The following PREP variants were observed in gnomAD, a reference collection of about 807,000 sequenced individuals.
The protein encoded by PREP is dJ355L5.1 (prolyl endopeptidase).
Under a neutral mutation model 87.6 loss-of-function variants are expected in PREP, and 29 were observed. The ratio of observed to expected loss-of-function variants is 0.33; its 90% confidence interval spans 0.25 to 0.45. PREP has a LOEUF of 0.45. PREP is among the 20% of genes least tolerant of loss of function. PREP has a pLI of 1.00. For missense variants in PREP, 695 were observed against 886.5 expected (o/e 0.78, Z 2.74); for synonymous variants, 337 against 328.6 (o/e 1.03, Z -0.28).
At chr6:105,360,839 T>A (rs888268363) in intron 6 of PREP, among the ~76,000 whole-genome samples, 1 of 152,174 alleles carries the variant, frequency 6.6e-6, no homozygotes, top group Non-Finnish European at 1.5e-5. Context: ...CACCTAGGTG[T>A]GATGTGATTC....
intron 6 of PREP, among the ~76,000 whole-genome samples, chr6:105,364,979 G>A: frequency 6.6e-6 from 1 of 152,256 alleles, no homozygotes; most frequent in East Asian, 1.9e-4. Flanking sequence ...GCTGGGCACA[G>A]TGGCTCACGC....
In PREP at chr6:105,397,889, G is replaced by C. The variant is rs766719326; in HGVS notation, c.84C>G (p.Tyr28Ter). The C allele has an allele frequency of 6.2e-7, 1 of 1,612,792 alleles. No individual in the cohort carries two copies. The highest frequency in any genetic ancestry group is 1.1e-5 in the South Asian group (1 of 91,052). Residue 28 changes from tyrosine (Y) to a stop codon, truncating the protein, a stop_gained, in exon 2 of 15, where the codon TAC (tyrosine) becomes TAG (stop). Transcript: ENST00000652536. LOFTEE classifies it high-confidence loss of function. ...DYHGHKICDP[Y>*]AWLEDPDSEQ... ...CACTGTCGGGGTCTTCAAGCCAGGC[G>C]TAAGGGTCACAAATTTTATGACCAT...
intron 5 of PREP, among the ~76,000 whole-genome samples, chr6:105,371,259 C>G (rs1772533208): frequency 6.6e-6 from 1 of 152,102 alleles, no homozygotes; most frequent in Non-Finnish European, 1.5e-5. Context: ...AATCCCAGCA[C>G]TTTGGGAGGC....
intron 2 of PREP, among the ~76,000 whole-genome samples, chr6:105,380,589 A>C (rs1355956409): frequency 3.9e-5 from 6 of 152,166 alleles, no homozygotes; most frequent in Admixed American, 2.6e-4. Flanking sequence ...TAAAAGGGGC[A>C]GGAACAACCA....
chr6:105,353,099 T>A, intron 6 of PREP, 22 bp from the exon 7 acceptor site: 1 of 1,511,140 alleles, frequency 6.6e-7, no homozygotes, highest in Non-Finnish European at 9.2e-7. Context: ...AAAAAAATAG[T>A]GCAGGGGACT....
At chr6:105,371,120 G>A (rs892845248) in intron 5 of PREP, among the ~76,000 whole-genome samples, 2 of 152,188 alleles carry the variant, frequency 1.3e-5, no homozygotes, top group Admixed American at 6.5e-5. Flanking sequence ...GAATATGTGG[G>A]GGCAGGAGGC....
intron 9 of PREP, among the ~76,000 whole-genome samples, chr6:105,326,716 G>A (rs1005338180): frequency 6.6e-6 from 1 of 152,164 alleles, no homozygotes; most frequent in Non-Finnish European, 1.5e-5. Context: ...GGCTGTTTTT[G>A]CATTTGGTCT....
intron 10 of PREP, among the ~76,000 whole-genome samples, chr6:105,312,436 A>G (rs1770776972): frequency 6.6e-6 from 1 of 152,264 alleles, no homozygotes; most frequent in South Asian, 2.1e-4. Context: ...GACATGAACC[A>G]ACATAAATGA....
intron 7 of PREP, among the ~76,000 whole-genome samples, chr6:105,334,321 T>A (rs2114660254): frequency 6.6e-6 from 1 of 152,356 alleles, no homozygotes; most frequent in South Asian, 2.1e-4. Context: ...TCCTGTCCTT[T>A]ACTGGCATTG....
chr6:105,311,548 G>A (rs1054071680), intron 10 of PREP, among the ~76,000 whole-genome samples: 2 of 152,198 alleles, frequency 1.3e-5, no homozygotes, highest in Admixed American at 6.5e-5. Flanking sequence ...TGCCATTCTC[G>A]GCTGCAGTCT....
At chr6:105,285,219 T>C (rs911605981) in intron 12 of PREP, among the ~76,000 whole-genome samples, 1 of 152,104 alleles carries the variant, frequency 6.6e-6, no homozygotes, top group South Asian at 2.1e-4. Context: ...AACCTATGAG[T>C]TGTTAAAAAA....
chr6:105,387,475 G>C (rs1386776235), intron 2 of PREP, among the ~76,000 whole-genome samples: 1 of 152,032 alleles, frequency 6.6e-6, no homozygotes, highest in Admixed American at 6.6e-5. Context: ...CCCTGATAGT[G>C]AACCAATGGG....
chr6:105,276,615 C>CT lies in PREP; in HGVS notation c.*1528dup, dbSNP rs1769936554. On this transcript the variant is annotated 3_prime_UTR_variant, in exon 15 of 15. Transcript: ENST00000652536. ...GACGACAGAGTCTCAGCATGCAACA[C>CT]TAGCTACTGGCACACTTTGTTTCCA... Among the ~76,000 whole-genome samples the CT allele has an allele frequency of 1.3e-5, 2 of 152,328 alleles. No individual in the cohort carries two copies. The highest frequency in any genetic ancestry group is 2.9e-5 in the Non-Finnish European group (2 of 68,034).
At chr6:105,288,155 A>G (rs1389383925) in intron 11 of PREP, among the ~76,000 whole-genome samples, 1 of 152,218 alleles carries the variant, frequency 6.6e-6, no homozygotes, top group African/African-American at 2.4e-5. Context: ...AGCTTCCTTT[A>G]AGACCTTGAT....
chr6:105,370,130 T>C (rs1772496678), intron 5 of PREP, among the ~76,000 whole-genome samples: 1 of 151,848 alleles, frequency 6.6e-6, no homozygotes, highest in Admixed American at 6.6e-5. Flanking sequence ...CATGCACCTG[T>C]AGTCCCAGCT....
In PREP at chr6:105,333,310, T is replaced by G; in HGVS notation, c.1015+4A>C. On this transcript the variant is annotated splice_donor_region_variant and intron_variant, in intron 8 of 14. Transcript: ENST00000652536. Reference sequence around the variant, plus strand: ...CACAATTTTCAAGTCACATGTGTTCTCACCTAAGACATCTTTCTCATGCTC... The same window carrying G: ...CACAATTTTCAAGTCACATGTGTTCGCACCTAAGACATCTTTCTCATGCTC... 1 of 1,612,308 alleles carries G rather than the reference T, an allele frequency of 6.2e-7. No individual in the cohort carries two copies.
intron 10 of PREP, among the ~76,000 whole-genome samples, chr6:105,310,244 A>G (rs1226336693): frequency 2.6e-5 from 4 of 152,224 alleles, no homozygotes; most frequent in African/African-American, 9.6e-5. Flanking sequence ...TAAGCTTTTC[A>G]CATCATACCA....
chr6:105,389,128 C>G (rs1773075309), intron 2 of PREP, among the ~76,000 whole-genome samples: 1 of 152,206 alleles, frequency 6.6e-6, no homozygotes. Context: ...AGACTAGAGT[C>G]AGAAAGTATG....
At chr6:105,285,348 T>C (rs2114613351) in intron 12 of PREP, 138 bp downstream of exon 12, 1 of 707,924 alleles carries the variant, frequency 1.4e-6, no homozygotes, top group South Asian at 2.0e-5. Context: ...CTGTGTCTGA[T>C]AATATCCTTG....
Sources: gnomAD v4.1 joint callset for allele counts (sites outside exome capture counted in the v4.1 genomes callset) on GRCh38, gnomAD v4.1.1 for gene constraint, MANE v1.5 for transcripts, NCBI Gene and HGNC (gene_info 2026-07-23, HGNC 2026-07-21) for gene names.